Variants in CCDC40 observed in about 807,000 individuals in gnomAD.
The protein encoded by CCDC40 is coiled-coil domain 40 molecular ruler complex subunit.
CCDC40 carries 104 observed loss-of-function variants against 124.5 expected under a neutral mutation model. The ratio of observed to expected loss-of-function variants is 0.84; its 90% CI spans 0.71 to 0.98. The LOEUF (loss-of-function observed/expected upper bound fraction) is 0.98, where lower values mean the gene tolerates loss of function less well. Ranked by LOEUF, CCDC40 falls within the 50% of genes least tolerant of loss-of-function variation. The pLI is 0.00. For synonymous variants in CCDC40, 580 were observed against 602.9 expected, an observed-to-expected ratio of 0.96 and a Z score of 0.56; for missense variants, 1,463 against 1,503.9, an observed-to-expected ratio of 0.97 and a Z score of 0.45.
At chr17:80,040,417 G>A (rs1274126821) in intron 3 of CCDC40, 147 bp downstream of exon 3, 15 of 829,236 alleles carry the variant, frequency 1.8e-5, no homozygotes, top group Non-Finnish European at 2.5e-5. Context: ...GGTGGCTCAC[G>A]CCTGTAATCC....
At chr17:80,046,394 G>A (rs1472313352) in intron 3 of CCDC40, among the ~76,000 whole-genome samples, 1 of 151,960 alleles carries the variant, frequency 6.6e-6, no homozygotes, top group Non-Finnish European at 1.5e-5. Context: ...TTAGACCAGT[G>A]TGGTGGTGTG....
At position 80,044,698 on chromosome 17, in the gene CCDC40, CAAACAAACAAAA is replaced by C. The variant is rs1363418993; in HGVS notation, c.553-2577_553-2566del. 5.2e-4 allele frequency among the ~76,000 whole-genome samples: 37 copies of C among 71,772 alleles called. 1 individual carries two copies. The highest frequency in any genetic ancestry group is 1.2e-3 in the African/African-American group (34 of 27,414). 47.1% of individuals were successfully genotyped at this position (71,772 alleles called of 152,430 possible). On this transcript the variant is annotated intron_variant, in intron 3 of 19. Transcript: ENST00000397545. ...ACCCCATCTCAAAAACAAAACAAAACAAACAAACAAAAAAAAAAATATATATATATATATATA... is the reference window on the plus strand; with the variant it reads ...ACCCCATCTCAAAAACAAAACAAAACAAAAAAATATATATATATATATATA...
intron 9 of CCDC40, among the ~76,000 whole-genome samples, chr17:80,063,511 A>G (rs2037956971): frequency 1.3e-5 from 2 of 152,178 alleles, no homozygotes; most frequent in Admixed American, 1.3e-4. Flanking sequence ...GCACAGGCTC[A>G]GTTTAAGGTG....
intron 9 of CCDC40, 34 bp downstream of exon 9, chr17:80,059,014 C>T (rs944421772): frequency 6.2e-7 from 1 of 1,613,882 alleles, no homozygotes; most frequent in Non-Finnish European, 8.5e-7. Flanking sequence ...CAGTGTTCGA[C>T]CCTCCAGTGA....
chr17:80,095,485 C>A (rs761482010), intron 18 of CCDC40, 34 bp downstream of exon 18: 1 of 1,599,516 alleles, frequency 6.3e-7, no homozygotes, highest in Non-Finnish European at 8.6e-7. Context: ...AGGGCGCCTG[C>A]TCCTCTCTCT....
At chr17:80,079,149 C>G (rs2038385955) in intron 10 of CCDC40, among the ~76,000 whole-genome samples, 1 of 151,868 alleles carries the variant, frequency 6.6e-6, no homozygotes, top group Non-Finnish European at 1.5e-5. Flanking sequence ...GTGGGCCAGG[C>G]TTCCTTTCTC....
Position 80,058,548 on chromosome 17 carries a change from A to G in CCDC40, c.1214A>G (p.Gln405Arg), listed in dbSNP as rs370081372. 1.2e-6 allele frequency: 2 copies of G among 1,614,092 alleles called. No individual in the cohort carries two copies. The highest frequency in any genetic ancestry group is 1.7e-6 in the Non-Finnish European group (2 of 1,180,026). The change falls in exon 8 of 20, where the codon CAG becomes CGG. Residue 405 changes from glutamine (Q) to arginine (R), a missense_variant. Gln to Arg is a conservative substitution (Grantham distance 43). Transcript: ENST00000397545. This position sits in a 1 kb window ranked among gnomAD's most constrained non-coding sequence, Gnocchi z 4.2. ...ENLALHLFYMQNIDQDMRDDI... is the reference protein window; with the variant it reads ...ENLALHLFYMRNIDQDMRDDI... ...TTGGCCCTGCATCTCTTCTACATGC[A>G]GAACATCGACCAGGACATGCGTGAC...
intron 7 of CCDC40, among the ~76,000 whole-genome samples, chr17:80,057,032 C>G (rs1217517698): frequency 8.4e-6 from 1 of 119,378 alleles, no homozygotes; most frequent in Non-Finnish European, 1.6e-5. Context: ...GAGTGAGACT[C>G]TGTCTCAAAA....
At chr17:80,080,604 G>A (rs1227963538) in intron 10 of CCDC40, among the ~76,000 whole-genome samples, 2 of 152,164 alleles carry the variant, frequency 1.3e-5, no homozygotes, top group Non-Finnish European at 2.9e-5. Context: ...GGCCACATCT[G>A]TAAAGCTGGA....
At chr17:80,036,878 C>T (rs1375760364) in intron 1 of CCDC40, 187 bp downstream of exon 1, 3 of 493,350 alleles carry the variant, frequency 6.1e-6, no homozygotes, top group South Asian at 7.0e-5. Flanking sequence ...CCCCTCACCC[C>T]CCCGCCAACC....
Position 80,086,184 on chromosome 17 carries a change from A to C in CCDC40, c.2417A>C (p.His806Pro). 1 of 1,612,948 alleles carries C rather than the reference A, an allele frequency of 6.2e-7. No homozygotes were observed. Among genetic ancestry groups the C allele is most frequent in the Non-Finnish European group, 8.5e-7 (1 of 1,179,540 alleles). Residue 806 changes from histidine to proline, a missense_variant, in exon 14 of 20, where the codon CAC becomes CCC. His to Pro is a moderately conservative substitution (Grantham distance 77, BLOSUM62 -2). Transcript: ENST00000397545. The surrounding 1 kb of genome is among the most constrained non-coding windows in gnomAD (Gnocchi z 5.5). The part of the protein sequence containing the change: ...ASLDASKKEL[H>P]IMEQKKLRVE... ...CTGGACGCATCCAAGAAGGAGCTCCACATCATGGAGCAGAAGAAACTACGA... is the reference window on the plus strand; with the variant it reads ...CTGGACGCATCCAAGAAGGAGCTCCCCATCATGGAGCAGAAGAAACTACGA...
rs76013152 is a variant in CCDC40, at chr17:80,066,148, C to T, written c.1562+542C>T. On this transcript the variant is annotated intron_variant, in intron 10 of 19. Transcript: ENST00000397545. The surrounding 1 kb of genome is among the most constrained non-coding windows in gnomAD (Gnocchi z 4.4). ...CCCAGGGTGACCAGGTCTCGGGACG[C>T]GGAAAGAAAAAGCCGGGCACTGTGG... is the stretch of plus-strand genomic sequence containing the variant. 0.02 allele frequency: 14,006 copies of T among 702,836 alleles called. 1,181 individuals are homozygous for T. In the African/African-American group the frequency reaches 0.2, roughly 10 times the overall value. The allele number at this position is 702,836 out of a possible 1,614,324, so 43.5% of individuals were successfully genotyped here. A position where few individuals can be genotyped will look rare whatever the true frequency, so the allele number is the denominator to read the frequency against.
chr17:80,070,584 G>C (rs2038162887), intron 10 of CCDC40, among the ~76,000 whole-genome samples: 1 of 152,160 alleles, frequency 6.6e-6, no homozygotes. Context: ...CTGGGCAACA[G>C]AGCAAGACCC....
rs1238552478 is a variant in CCDC40 at position 80,079,951 on chromosome 17, C to A, written c.1563-1595C>A. Among the ~76,000 whole-genome samples, 3 of 151,380 alleles carry A rather than the reference C, an allele frequency of 2.0e-5. No homozygotes were observed. In the East Asian group the frequency reaches 5.8e-4, roughly 29 times the overall value. On this transcript the variant is annotated intron_variant, in intron 10 of 19. Coordinates refer to ENST00000397545, the MANE Select transcript of CCDC40 (RefSeq NM_017950.4). ...AAAAAAAAAATACTGGATGGCCAGG[C>A]GCAGTGGCCCACACCTGTAATTCCA...
chr17:80,037,841 A>T (rs1260384722), intron 1 of CCDC40: 2 of 362,332 alleles, frequency 5.5e-6, no homozygotes, highest in Non-Finnish European at 1.1e-5. Context: ...GTTATATTTG[A>T]GGTGACTTTT....
intron 16 of CCDC40, chr17:80,088,501 C>T (rs1265114956): frequency 9.6e-6 from 3 of 312,754 alleles, no homozygotes; most frequent in African/African-American, 4.4e-5. Flanking sequence ...ATCTGCCCAC[C>T]TCAGCCTCCC....
At chr17:80,057,545 G>A (rs921148138) in intron 7 of CCDC40, among the ~76,000 whole-genome samples, 11 of 152,106 alleles carry the variant, frequency 7.2e-5, no homozygotes, top group Non-Finnish European at 1.3e-4. Context: ...ACTGACCCAC[G>A]TGTAGCTCCC....
intron 7 of CCDC40, among the ~76,000 whole-genome samples, chr17:80,053,150 C>T (rs2037649122): frequency 2.6e-5 from 4 of 152,146 alleles, no homozygotes; most frequent in South Asian, 2.1e-4. Context: ...AGAACAGATG[C>T]GTGAGTTCAG....
chr17:80,063,929 T>C (rs34865586), intron 9 of CCDC40, among the ~76,000 whole-genome samples: 51,580 of 152,046 alleles, frequency 0.34, 9,511 homozygotes, highest in Middle Eastern at 0.45. Context: ...GCAGTACACA[T>C]TGTACATGTG....
Sources: gnomAD v4.1 joint callset for allele counts (sites outside exome capture counted in the v4.1 genomes callset) on GRCh38, gnomAD v4.1.1 for gene constraint, Gnocchi (gnomAD v3.1) non-coding constraint, MANE v1.5 for transcripts, NCBI Gene and HGNC (gene_info 2026-07-23, HGNC 2026-07-21) for gene names.